Variants in PITPNM1 observed in about 807,000 individuals in gnomAD.
PITPNM1 encodes the protein phosphatidylinositol transfer protein membrane associated 1, also known as membrane-associated phosphatidylinositol transfer protein 1.
PITPNM1 carries 74 observed loss-of-function variants against 133.3 expected under a neutral mutation model. The observed-to-expected ratio is 0.56, with a 90% CI of 0.46 to 0.67. PITPNM1 has a LOEUF of 0.67. Ranked by LOEUF, PITPNM1 falls within the 30% of genes least tolerant of loss-of-function variation. The probability of loss-of-function intolerance (pLI) is 0.00; values close to 1 mark genes in which losing one functional copy is unlikely to be tolerated. For missense variants in PITPNM1, 1,398 were observed against 1,739.5 expected (o/e 0.80, Z 3.49); for synonymous variants, 738 against 741.4 (o/e 1.00, Z 0.08).
In PITPNM1 at chr11:67,502,447, T is replaced by C; in HGVS notation, c.294-34A>G. On this transcript the variant is annotated intron_variant, in intron 3 of 23. Coordinates refer to ENST00000356404, the MANE Select transcript of PITPNM1 (RefSeq NM_004910.3). This position sits in a 1 kb window ranked among gnomAD's most constrained non-coding sequence, Gnocchi z 5.9. ...AAGGCACGGGTGAGGCTCACTGCTG[T>C]ACCCACCAGGGCCGCTCCCCTCCTG... 1 of 1,613,696 alleles carries C rather than the reference T, an allele frequency of 6.2e-7. No individual in the cohort carries two copies. The highest frequency in any genetic ancestry group is 2.2e-5 in the East Asian group (1 of 44,888).
At position 67,495,619 on chromosome 11, in the gene PITPNM1, A is replaced by G. The variant is rs1312810428; in HGVS notation, c.2318-17T>C. The stretch of plus-strand genomic sequence containing the variant: ...GAGTGTCGGCTGGGGGAAGGAGGGC[A>G]AGGTCAGCAGGGGCCGGCCAGGTGG... On this transcript the variant is annotated splice_polypyrimidine_tract_variant and intron_variant, in intron 15 of 23. Transcript: ENST00000356404. The G allele has an allele frequency of 1.9e-6, 3 of 1,554,184 alleles. No individual in the cohort carries two copies. Among genetic ancestry groups the G allele is most frequent in the Non-Finnish European group, 1.7e-6 (2 of 1,156,434 alleles).
At chr11:67,493,168 C>T (rs184028661) in intron 22 of PITPNM1, 106 bp from the exon 23 acceptor site, 166 of 1,399,230 alleles carry the variant, frequency 1.2e-4, no homozygotes, top group Non-Finnish European at 1.5e-4. Context: ...TCCAGGCAGA[C>T]GGAGGCGAAG....
rs903528977 is a variant in PITPNM1, at chr11:67,494,487, A to G, written c.2743-127T>C. The G allele has an allele frequency of 4.3e-6, 3 of 692,848 alleles. No individual in the cohort carries two copies. In the East Asian group the frequency reaches 8.2e-5, roughly 19 times the overall value. 42.9% of individuals were successfully genotyped at this position (692,848 alleles called of 1,614,324 possible). On this transcript the variant is annotated intron_variant, in intron 18 of 23. Transcript: ENST00000356404. Reference sequence around the variant, plus strand: ...CTAGAGGCGGCGGGGCATTGAGGGAAAAGGGCAAGCCCGGGGGGCGCACTT... The same window carrying G: ...CTAGAGGCGGCGGGGCATTGAGGGAGAAGGGCAAGCCCGGGGGGCGCACTT...
chr11:67,496,890 C>A, intron 14 of PITPNM1: 1 of 214,426 alleles, frequency 4.7e-6, no homozygotes, highest in Non-Finnish European at 9.0e-6. Context: ...AAGATCAGGC[C>A]ACTGACACTC....
At position 67,499,821 on chromosome 11, in the gene PITPNM1, G is replaced by A. The variant is rs199545017; in HGVS notation, c.1073C>T (p.Ser358Leu). The A allele has an allele frequency of 2.0e-5, 31 of 1,573,202 alleles. No individual in the cohort carries two copies. The South Asian group carries it at 2.0e-4, about 10-fold the overall frequency. ...EEFFDAHEGF[S>L]DSEEVFPKEM... ...CTTGGGGAAGACCTCCTCACTGTCC[G>A]AGAAGCCTTCTGAGGGGACAGGGGG... The change falls in exon 8 of 24, where the codon TCG becomes TTG. Residue 358 changes from serine to leucine, a missense_variant. Physicochemically the swap from Ser to Leu is moderately radical, Grantham distance 145. Transcript: ENST00000356404.
rs760938557 is a variant in PITPNM1, at chr11:67,497,230, C to T, written c.2146+1G>A. 1.9e-6 allele frequency: 3 copies of T among 1,601,202 alleles called. No homozygotes were observed. Among genetic ancestry groups the T allele is most frequent in the Non-Finnish European group, 2.6e-6 (3 of 1,172,236 alleles). On this transcript the variant is annotated splice_donor_variant, in intron 14 of 23. Coordinates refer to ENST00000356404, the MANE Select transcript of PITPNM1 (RefSeq NM_004910.3). LOFTEE classifies it high-confidence loss of function. ...GCGCCCCCGCAGCCCCTAGGACTCA[C>T]CCTCCAGGGCGGGCATCACAGTTTT...
chr11:67,491,981 CGGGCCCCTT>C lies in PITPNM1; in HGVS notation c.*43_*51del, dbSNP rs1380058967. 2.5e-6 allele frequency: 4 copies of C among 1,577,952 alleles called. No homozygotes were observed. Among genetic ancestry groups the C allele is most frequent in the Non-Finnish European group, 3.4e-6 (4 of 1,159,872 alleles). On this transcript the variant is annotated 3_prime_UTR_variant, in exon 24 of 24. Coordinates refer to ENST00000356404, the MANE Select transcript of PITPNM1 (RefSeq NM_004910.3). ...CCCCAGCCTCCCACACGCAGCCCCT[CGGGCCCCTT>C]GGGTGTGTCAATAAATAACCCAGGT...
Position 67,497,371 on chromosome 11 carries a change from G to A in PITPNM1, c.2006C>T (p.Pro669Leu). Residue 669 changes from proline (P) to leucine (L), a missense_variant, in exon 14 of 24, where the codon CCA becomes CTA. This residue lies in a region of PITPNM1 where 574 missense variants were observed against 698.7 expected (regional missense o/e 0.82). Transcript: ENST00000356404. ...AGGTGCCTCGGAACTGGCAGCGGGT[G>A]GGCAGAAGGCCGTGCTTGCCCGCCG... ...EPRRASTAFC[P>L]PAASSEAPDG... 1 of 1,601,664 alleles carries A rather than the reference G, an allele frequency of 6.2e-7. No individual in the cohort carries two copies. Among genetic ancestry groups the A allele is most frequent in the Non-Finnish European group, 8.5e-7 (1 of 1,172,398 alleles).
In PITPNM1 at chr11:67,500,278, CTGTGTTGCACT is replaced by C; in HGVS notation, c.773_783del (p.Lys258ArgfsTer3). 1 of 1,609,874 alleles carries C rather than the reference CTGTGTTGCACT, an allele frequency of 6.2e-7. No homozygotes were observed. Among genetic ancestry groups the C allele is most frequent in the South Asian group, 1.1e-5 (1 of 91,084 alleles). On this transcript the variant is annotated frameshift_variant, in exon 6 of 24. Coordinates refer to ENST00000356404, the MANE Select transcript of PITPNM1 (RefSeq NM_004910.3). LOFTEE classifies it high-confidence loss of function. ...GGCTGGGCCTCGGACCCCTCACTGC[CTGTGTTGCACT>C]TGGCCATGCGCTGGGCCAGCATGCG...
At chr11:67,501,128 G>A (rs1866310313) in intron 5 of PITPNM1, among the ~76,000 whole-genome samples, 1 of 152,178 alleles carries the variant, frequency 6.6e-6, no homozygotes, top group Non-Finnish European at 1.5e-5. Context: ...GGGTGTTAAG[G>A]GAGATCTTGC....
chr11:67,500,000 G>A lies in PITPNM1; in HGVS notation c.977C>T (p.Ser326Phe), dbSNP rs1866271686. The A allele has an allele frequency of 2.5e-6, 4 of 1,612,248 alleles. No individual in the cohort carries two copies. Among genetic ancestry groups the A allele is most frequent in the East Asian group, 4.5e-5 (2 of 44,858 alleles). ...GCGCCACTCAGACAAGCTCTGGGGA[G>A]ACACAGCCCCTGCCGGGCCAGCTCA... ...SYSSQHGGAV[S>F]PQSLSEWRMQ... The change falls in exon 7 of 24, where the codon TCT becomes TTT. Residue 326 changes from serine to phenylalanine, a missense_variant. Around this residue, in one of 5 missense-constraint regions of PITPNM1, gnomAD observed 195 missense variants for 178.8 expected, o/e 1.09. Coordinates refer to ENST00000356404, the MANE Select transcript of PITPNM1 (RefSeq NM_004910.3).
intron 21 of PITPNM1, 43 bp from the exon 22 acceptor site, chr11:67,493,636 A>AG (rs1866008711): frequency 6.5e-7 from 1 of 1,545,492 alleles, no homozygotes; most frequent in South Asian, 1.2e-5. Flanking sequence ...GCCAGGGGTG[A>AG]GGGGCCGGTC....
At position 67,492,177 on chromosome 11, in the gene PITPNM1, G is replaced by A. The variant is rs770366720; in HGVS notation, c.3591C>T (p.Pro1197=). The part of the protein sequence containing the change: ...LGKSSYGVAA[P]VDFLRKQSQL... ...GGCTCTGTTTGCGCAGGAAGTCCAC[G>A]GGGGCAGCCACACCATAGCTGCTCT... The change falls in exon 24 of 24, where the codon CCC becomes CCT. Residue 1197 remains proline (P), a synonymous_variant. Transcript: ENST00000356404. The A allele has an allele frequency of 1.1e-5, 18 of 1,611,206 alleles. No homozygotes were observed. The highest frequency in any genetic ancestry group is 2.2e-5 in the South Asian group (2 of 91,082).
At chr11:67,497,102 G>C (rs1227685319) in intron 14 of PITPNM1, 129 bp downstream of exon 14, 1 of 754,220 alleles carries the variant, frequency 1.3e-6, no homozygotes, top group Non-Finnish European at 2.0e-6. Context: ...TTCCCCTTCT[G>C]TAGCCAGGCC....
At chr11:67,501,119 G>A (rs1437472930) in intron 5 of PITPNM1, among the ~76,000 whole-genome samples, 1 of 152,194 alleles carries the variant, frequency 6.6e-6, no homozygotes, top group Non-Finnish European at 1.5e-5. Flanking sequence ...GGGTGTTGTG[G>A]GTGTTAAGGG....
chr11:67,494,148 G>C, intron 19 of PITPNM1, 78 bp from the exon 20 acceptor site: 1 of 1,571,928 alleles, frequency 6.4e-7, no homozygotes, highest in Non-Finnish European at 8.7e-7. Flanking sequence ...GTCGGGGATG[G>C]GTGGGTCTAG....
chr11:67,497,878 C>G (rs779812999), intron 12 of PITPNM1, 39 bp downstream of exon 12: 16 of 1,587,928 alleles, frequency 1.0e-5, no homozygotes, highest in Non-Finnish European at 1.4e-5. Context: ...CAGAGAGGGC[C>G]TTTCCGCTCC....
At chr11:67,495,252 A>C in intron 16 of PITPNM1, 27 bp from the exon 17 acceptor site, 2 of 1,558,964 alleles carry the variant, frequency 1.3e-6, no homozygotes, top group South Asian at 2.4e-5. Context: ...GCGAGTCAGG[A>C]TGGCCTCCTG....
rs974135356 is a variant in PITPNM1, at chr11:67,491,783, G to A, written c.*250C>T. ...GGTGAGTGGGTGGGGTGCAGGTGGC[G>A]TTTATTTTCATGGATTTATACACAC... On this transcript the variant is annotated 3_prime_UTR_variant, in exon 24 of 24. Coordinates refer to ENST00000356404, the MANE Select transcript of PITPNM1 (RefSeq NM_004910.3). 6.7e-5 allele frequency: 34 copies of A among 507,430 alleles called. No individual in the cohort carries two copies. Among genetic ancestry groups the A allele is most frequent in the Non-Finnish European group, 8.4e-5 (24 of 286,182 alleles). The allele number at this position is 507,430 out of a possible 1,614,324, so 31.4% of individuals were successfully genotyped here. A position where few individuals can be genotyped will look rare whatever the true frequency, so the allele number is the denominator to read the frequency against.
Sources: allele counts gnomAD v4.1 joint callset (sites outside exome capture counted in the v4.1 genomes callset), GRCh38; gene constraint gnomAD v4.1.1; regional missense constraint gnomAD v4.1.1; non-coding constraint Gnocchi (gnomAD v3.1); transcripts MANE v1.5; gene names NCBI Gene and HGNC (gene_info 2026-07-23, HGNC 2026-07-21).